The following SLC13A1 variants were observed in gnomAD, a reference collection of about 807,000 sequenced individuals.
The protein encoded by SLC13A1 is solute carrier family 13 member 1.
SLC13A1 carries 65 observed loss-of-function variants against 70.0 expected under a neutral mutation model. The observed-to-expected ratio is 0.93, with a 90% CI of 0.76 to 1.14. The LOEUF (loss-of-function observed/expected upper bound fraction) is 1.14, where lower values mean the gene tolerates loss of function less well. SLC13A1 is among the 50% of genes most tolerant of loss of function. The pLI is 0.00. For missense variants in SLC13A1, 726 were observed against 717.8 expected (o/e 1.01, Z -0.13); for synonymous variants, 275 against 250.5 (o/e 1.10, Z -0.92).
At chr7:123,130,972 C>T (rs563227911) in intron 8 of SLC13A1, among the ~76,000 whole-genome samples, 18 of 152,180 alleles carry the variant, frequency 1.2e-4, no homozygotes, top group Middle Eastern at 3.4e-3. Flanking sequence ...AAAATTCCTC[C>T]AGAGGAAGAA....
chr7:123,143,921 A>G (rs1428965846), intron 7 of SLC13A1, among the ~76,000 whole-genome samples: 1 of 152,254 alleles, frequency 6.6e-6, no homozygotes, highest in African/African-American at 2.4e-5. Flanking sequence ...AGAGGAATAC[A>G]CAGGGAAACC....
intron 6 of SLC13A1, among the ~76,000 whole-genome samples, chr7:123,154,533 C>T (rs1563335316): frequency 6.6e-6 from 1 of 152,100 alleles, no homozygotes; most frequent in Non-Finnish European, 1.5e-5. Context: ...ATGGCTCTGT[C>T]ATAATGTTGC....
In SLC13A1 at chr7:123,123,164, G is replaced by A; in HGVS notation, c.1312C>T (p.Leu438Phe). The change falls in exon 12 of 15, where the codon CTT becomes TTT. Residue 438 changes from leucine (L) to phenylalanine (F), a missense_variant. Transcript: ENST00000194130. ...GCCAGGGCAAACCCTCCACCAACAA[G>A]AATGGCTATATCCCAGGGCATGAAT... ...QSFMPWDIAI[L>F]VGGGFALADG... 1 of 1,613,450 alleles carries A rather than the reference G, an allele frequency of 6.2e-7. No homozygotes were observed. The highest frequency in any genetic ancestry group is 1.1e-5 in the South Asian group (1 of 91,068).
intron 7 of SLC13A1, among the ~76,000 whole-genome samples, chr7:123,134,952 G>A (rs1285567180): frequency 3.3e-5 from 5 of 152,140 alleles, no homozygotes; most frequent in Non-Finnish European, 5.9e-5. Context: ...AAATTAGTGG[G>A]ACTGAATGTC....
intron 3 of SLC13A1, 150 bp downstream of exon 3, chr7:123,171,618 A>G (rs1795274643): frequency 2.5e-6 from 2 of 794,352 alleles, no homozygotes; most frequent in Admixed American, 2.4e-5. Context: ...TACACTTTAT[A>G]TCACTTTCAT....
At chr7:123,119,915 C>T (rs573425678) in intron 12 of SLC13A1, among the ~76,000 whole-genome samples, 6 of 152,064 alleles carry the variant, frequency 3.9e-5, no homozygotes, top group South Asian at 2.1e-4. Flanking sequence ...ACTATCAGTG[C>T]GTTTACTCTC....
intron 7 of SLC13A1, among the ~76,000 whole-genome samples, chr7:123,146,495 G>A (rs1794355075): frequency 6.6e-6 from 1 of 152,166 alleles, no homozygotes. Flanking sequence ...AGCCTGGGCA[G>A]CAGAGTGAGA....
chr7:123,116,721 A>G (rs1030943164), intron 14 of SLC13A1, among the ~76,000 whole-genome samples: 1 of 152,196 alleles, frequency 6.6e-6, no homozygotes, highest in African/African-American at 2.4e-5. Context: ...GCAGGAGCTT[A>G]GGAACAGCAG....
chr7:123,163,405 C>A (rs745561665), intron 6 of SLC13A1, among the ~76,000 whole-genome samples: 3 of 151,986 alleles, frequency 2.0e-5, no homozygotes, highest in Non-Finnish European at 4.4e-5. Flanking sequence ...GAGAAGAGAA[C>A]TTCATAAAAG....
chr7:123,167,464 G>A (rs1795114034), intron 6 of SLC13A1, among the ~76,000 whole-genome samples: 2 of 152,044 alleles, frequency 1.3e-5, no homozygotes, highest in Non-Finnish European at 1.5e-5. Flanking sequence ...TAACAAGAGG[G>A]TTTTCTTTTT....
At chr7:123,191,351 C>G (rs1795991379) in intron 1 of SLC13A1, among the ~76,000 whole-genome samples, 1 of 152,148 alleles carries the variant, frequency 6.6e-6, no homozygotes, top group Admixed American at 6.5e-5. Context: ...TTTTCCAGCC[C>G]TTAGTTTCTG....
chr7:123,123,994 A>G (rs1324712363), intron 11 of SLC13A1, among the ~76,000 whole-genome samples: 2 of 152,140 alleles, frequency 1.3e-5, no homozygotes, highest in Non-Finnish European at 2.9e-5. Flanking sequence ...AACCAAACCC[A>G]TCCTCACTGA....
At position 123,171,818 on chromosome 7, in the gene SLC13A1, G is replaced by C. The variant is rs745476234; in HGVS notation, c.315C>G (p.His105Gln). The change falls in exon 3 of 15, where the codon CAC becomes CAG. Residue 105 changes from histidine (H) to glutamine (Q), a missense_variant. Physicochemically the swap from His to Gln is conservative, Grantham distance 24 (BLOSUM62 0). Transcript: ENST00000194130. Reference protein sequence around the residue: ...LATSIEKWNLHKRIALKMVMM... With the variant: ...LATSIEKWNLQKRIALKMVMM... ...TCACCATTTTCAGAGCAATTCTCTT[G>C]TGCAAATTCCATTTTTCTATGGATG... 2.5e-6 allele frequency: 4 copies of C among 1,613,798 alleles called. No individual in the cohort carries two copies. Among genetic ancestry groups the C allele is most frequent in the Non-Finnish European group, 3.4e-6 (4 of 1,179,836 alleles).
intron 3 of SLC13A1, among the ~76,000 whole-genome samples, chr7:123,170,699 G>T (rs1435491877): frequency 6.6e-6 from 1 of 151,852 alleles, no homozygotes; most frequent in Non-Finnish European, 1.5e-5. Flanking sequence ...CGTGATCTTG[G>T]CTTACTGCGA....
At chr7:123,128,991 G>T in intron 9 of SLC13A1, 45 bp from the exon 10 acceptor site, 1 of 1,331,266 alleles carries the variant, frequency 7.5e-7, no homozygotes, top group East Asian at 2.4e-5. Context: ...TTCTCAGTCG[G>T]GACATTTGTA....
intron 7 of SLC13A1, among the ~76,000 whole-genome samples, chr7:123,137,417 C>T (rs1288343450): frequency 1.3e-5 from 2 of 152,118 alleles, no homozygotes; most frequent in African/African-American, 2.4e-5. Context: ...ATCAAAAGCA[C>T]GAACTATCCC....
At chr7:123,119,307 T>A in intron 12 of SLC13A1, 65 bp from the exon 13 acceptor site, 1 of 1,094,530 alleles carries the variant, frequency 9.1e-7, no homozygotes, top group Non-Finnish European at 1.3e-6. Context: ...CACAATAAAA[T>A]CCATAAAAAA....
chr7:123,171,851 AC>A lies in SLC13A1; in HGVS notation c.281del (p.Cys94PhefsTer2). 1.2e-6 allele frequency: 2 copies of A among 1,613,182 alleles called. No homozygotes were observed. Among genetic ancestry groups the A allele is most frequent in the Non-Finnish European group, 1.7e-6 (2 of 1,179,228 alleles). On this transcript the variant is annotated frameshift_variant, in exon 3 of 15. Coordinates refer to ENST00000194130, the MANE Select transcript of SLC13A1 (RefSeq NM_022444.4). LOFTEE classifies it high-confidence loss of function. ...DFHLLLIGVI[C>X]LATSIEKWNL... ...TCCATTTTTCTATGGATGTTGCTAA[AC>A]AGATAACTCCAATTAGCAGTAAGTG...
In SLC13A1 at chr7:123,125,558, TGA is replaced by T. The variant is rs1563318931; in HGVS notation, c.1240+9_1240+10del. On this transcript the variant is annotated intron_variant, in intron 11 of 14. Transcript: ENST00000194130. ...TGTTAAATTTATGCAGAATTATAAA[TGA>T]TACTCAACCAATTTCTCCTGTAGGT... 6.4e-7 allele frequency: 1 copy of T among 1,567,540 alleles called. No individual in the cohort carries two copies. Among genetic ancestry groups the T allele is most frequent in the Non-Finnish European group, 8.7e-7 (1 of 1,147,158 alleles).
Sources: allele counts gnomAD v4.1 joint callset (sites outside exome capture counted in the v4.1 genomes callset), GRCh38; gene constraint gnomAD v4.1.1; transcripts MANE v1.5; gene names NCBI Gene and HGNC (gene_info 2026-07-23, HGNC 2026-07-21).